Variants in FRMD4A observed in about 807,000 individuals in gnomAD.
FRMD4A encodes the protein FERM domain-containing protein 4A.
In FRMD4A, 29 loss-of-function variants were observed where a neutral mutation model predicts 129.1. The observed-to-expected ratio is 0.22, with a 90% CI of 0.17 to 0.31. FRMD4A has a LOEUF of 0.31. Among genes scored for constraint, FRMD4A ranks in the 10% least tolerant of loss-of-function variants. The pLI, the probability that FRMD4A is intolerant of heterozygous loss-of-function variation, is 1.00. For missense variants in FRMD4A, 1,272 were observed against 1,375.8 expected, an observed-to-expected ratio of 0.92 and a Z score of 1.19; for synonymous variants, 634 against 571.6, an observed-to-expected ratio of 1.11 and a Z score of -1.56.
chr10:14,055,159 G>A (rs1834447963), intron 2 of FRMD4A, among the ~76,000 whole-genome samples: 1 of 152,032 alleles, frequency 6.6e-6, no homozygotes, highest in African/African-American at 2.4e-5. Context: ...TATATACTCT[G>A]GACCTCTGTC....
Position 14,120,048 on chromosome 10 carries a change from T to C in FRMD4A, c.45+210010A>G, listed in dbSNP as rs948115073. Among the ~76,000 whole-genome samples, 4 of 150,508 alleles carry C rather than the reference T, an allele frequency of 2.7e-5. No individual in the cohort carries two copies. The South Asian group carries it at 8.5e-4, about 32-fold the overall frequency. On this transcript the variant is annotated intron_variant, in intron 2 of 24. Coordinates refer to ENST00000357447, the MANE Select transcript of FRMD4A (RefSeq NM_018027.5). The stretch of plus-strand genomic sequence containing the variant: ...ACTAGGCATGAGGATGACAGGTAAG[T>C]GTGTGGACAGAGCTATTTGCATCTT...
At chr10:13,679,806 GCTGCTAC>G (rs1768753157) in intron 15 of FRMD4A, among the ~76,000 whole-genome samples, 1 of 152,078 alleles carries the variant, frequency 6.6e-6, no homozygotes, top group African/African-American at 2.4e-5. Context: ...GAGCCTGCGG[GCTGCTAC>G]CTGCAACTAA....
chr10:14,073,597 T>C (rs1409980252), intron 2 of FRMD4A, among the ~76,000 whole-genome samples: 1 of 152,066 alleles, frequency 6.6e-6, no homozygotes, highest in Non-Finnish European at 1.5e-5. Context: ...TCAGGGATGA[T>C]GGCTGATGTT....
intron 2 of FRMD4A, among the ~76,000 whole-genome samples, chr10:13,928,879 A>G (rs2095164006): frequency 6.6e-6 from 1 of 152,164 alleles, no homozygotes; most frequent in Non-Finnish European, 1.5e-5. Context: ...GAGACGTGCA[A>G]CAGAGTAATG....
chr10:14,274,587 C>T (rs1171200632), intron 2 of FRMD4A, among the ~76,000 whole-genome samples: 1 of 152,166 alleles, frequency 6.6e-6, no homozygotes, highest in African/African-American at 2.4e-5. Flanking sequence ...CAAAGATTCT[C>T]ACTGAACCAG....
chr10:13,869,749 T>C (rs1246450088), intron 2 of FRMD4A, among the ~76,000 whole-genome samples: 1 of 152,234 alleles, frequency 6.6e-6, no homozygotes, highest in African/African-American at 2.4e-5. Flanking sequence ...GTTCTGCCAC[T>C]GTTAGAGTGT....
intron 2 of FRMD4A, among the ~76,000 whole-genome samples, chr10:14,052,707 C>A (rs899634715): frequency 2.0e-5 from 3 of 149,546 alleles, no homozygotes; most frequent in African/African-American, 7.4e-5. Context: ...TTCAGGTGCT[C>A]ACCACCATAA....
At chr10:14,142,371 G>T (rs1839881410) in intron 2 of FRMD4A, among the ~76,000 whole-genome samples, 1 of 152,188 alleles carries the variant, frequency 6.6e-6, no homozygotes, top group Non-Finnish European at 1.5e-5. Flanking sequence ...CAGAAAATTT[G>T]ATCTAGTAAA....
intron 7 of FRMD4A, among the ~76,000 whole-genome samples, chr10:13,762,407 A>T (rs576250591): frequency 6.6e-6 from 1 of 152,284 alleles, no homozygotes; most frequent in South Asian, 2.1e-4. Flanking sequence ...TTCGCTTTAC[A>T]GGGATTTTCT....
chr10:13,761,301 G>C (rs1263498962), intron 8 of FRMD4A, among the ~76,000 whole-genome samples: 5 of 152,220 alleles, frequency 3.3e-5, no homozygotes, highest in Non-Finnish European at 7.3e-5. Flanking sequence ...AGGACTGACA[G>C]GTTATCTGCA....
intron 2 of FRMD4A, among the ~76,000 whole-genome samples, chr10:13,977,755 T>A (rs1405042482): frequency 1.3e-5 from 2 of 152,198 alleles, no homozygotes; most frequent in Non-Finnish European, 2.9e-5. Flanking sequence ...ATTAATGGGG[T>A]CTTTGTGGCT....
intron 2 of FRMD4A, among the ~76,000 whole-genome samples, chr10:14,176,835 G>A (rs1025002858): frequency 6.6e-6 from 1 of 151,928 alleles, no homozygotes; most frequent in Non-Finnish European, 1.5e-5. Context: ...TCTCCCCAAA[G>A]GTTTCATTTT....
At chr10:14,060,247 G>T (rs1834743855) in intron 2 of FRMD4A, among the ~76,000 whole-genome samples, 1 of 152,156 alleles carries the variant, frequency 6.6e-6, no homozygotes, top group East Asian at 1.9e-4. Context: ...ATTCACTGTT[G>T]ACTGGGAACC....
intron 2 of FRMD4A, among the ~76,000 whole-genome samples, chr10:14,031,705 T>C (rs1334307493): frequency 3.3e-5 from 5 of 152,208 alleles, no homozygotes; most frequent in Admixed American, 3.3e-4. Context: ...AGCTGTGGAA[T>C]AGGAGCTGGA....
At chr10:14,037,245 T>C (rs1462115709) in intron 2 of FRMD4A, among the ~76,000 whole-genome samples, 1 of 152,230 alleles carries the variant, frequency 6.6e-6, no homozygotes, top group Non-Finnish European at 1.5e-5. Context: ...ATTTCCTTTT[T>C]CTTTACTTTT....
intron 16 of FRMD4A, among the ~76,000 whole-genome samples, chr10:13,674,089 A>G (rs540371089): frequency 2.6e-5 from 4 of 152,186 alleles, no homozygotes; most frequent in Non-Finnish European, 4.4e-5. Flanking sequence ...TAAAAATGTC[A>G]TTAGGCTAAG....
At chr10:13,939,978 C>T (rs2131306617) in intron 2 of FRMD4A, among the ~76,000 whole-genome samples, 1 of 152,224 alleles carries the variant, frequency 6.6e-6, no homozygotes, top group East Asian at 1.9e-4. Context: ...GCAAACAGCG[C>T]AGCTCTTTGA....
intron 2 of FRMD4A, among the ~76,000 whole-genome samples, chr10:14,162,167 G>A (rs1010493359): frequency 6.6e-6 from 1 of 151,766 alleles, no homozygotes; most frequent in African/African-American, 2.4e-5. Context: ...TATGCTTATA[G>A]CACATCTCAA....
chr10:13,943,143 C>T (rs537411712), intron 2 of FRMD4A, among the ~76,000 whole-genome samples: 34 of 152,218 alleles, frequency 2.2e-4, no homozygotes, highest in South Asian at 1.9e-3. Flanking sequence ...CTTTCTCACA[C>T]GGCAAGATGT....
Sources: allele counts gnomAD v4.1 joint callset (sites outside exome capture counted in the v4.1 genomes callset), GRCh38; gene constraint gnomAD v4.1.1; transcripts MANE v1.5; gene names NCBI Gene and HGNC (gene_info 2026-07-23, HGNC 2026-07-21).